Variants in HEMK2 observed in about 807,000 individuals in gnomAD.
HEMK2 encodes HemK methyltransferase 2, ETF1 glutamine and histone H4 lysine, also known as methyltransferase HEMK2.
chr21:28,878,667 T>G, the HEMK2 span, among the ~76,000 whole-genome samples: 136 of 152,020 alleles, frequency 8.9e-4, 1 homozygote, highest in Middle Eastern at 0.01. Context: ...AATAAGGAAG[T>G]ATATTTAAAG....
the HEMK2 span, among the ~76,000 whole-genome samples, chr21:28,613,884 A>C: frequency 6.6e-6 from 1 of 152,176 alleles, no homozygotes; most frequent in African/African-American, 2.4e-5. Flanking sequence ...TTACATTTCC[A>C]TTGTAAAGCA....
chr21:28,669,396 T>C, the HEMK2 span, among the ~76,000 whole-genome samples: 1 of 152,140 alleles, frequency 6.6e-6, no homozygotes, highest in African/African-American at 2.4e-5. Context: ...GGATTGGATG[T>C]TGGCTCCCAA....
chr21:28,738,050 A>C, the HEMK2 span, among the ~76,000 whole-genome samples: 1 of 151,950 alleles, frequency 6.6e-6, no homozygotes, highest in African/African-American at 2.4e-5. Context: ...TTCTTCCAAC[A>C]ACAGTTAGAT....
chr21:28,843,392 C>G, the HEMK2 span, among the ~76,000 whole-genome samples: 3 of 152,084 alleles, frequency 2.0e-5, no homozygotes, highest in Non-Finnish European at 4.4e-5. Flanking sequence ...CCCCATGATC[C>G]AATTACCTCC....
chr21:28,640,141 T>A, the HEMK2 span, among the ~76,000 whole-genome samples: 1 of 152,168 alleles, frequency 6.6e-6, no homozygotes, highest in Admixed American at 6.5e-5. Flanking sequence ...GATAGAAGAA[T>A]GCAAACCAGG....
the HEMK2 span, among the ~76,000 whole-genome samples, chr21:28,750,870 G>C: frequency 6.6e-6 from 1 of 152,110 alleles, no homozygotes; most frequent in South Asian, 2.1e-4. Context: ...CTAAAATGTT[G>C]TGATACAGAA....
the HEMK2 span, among the ~76,000 whole-genome samples, chr21:28,768,506 G>A: frequency 6.6e-6 from 1 of 151,968 alleles, no homozygotes; most frequent in African/African-American, 2.4e-5. Flanking sequence ...CAATTCAGAG[G>A]AAATCAGACC....
At chr21:28,777,946 T>G in the HEMK2 span, among the ~76,000 whole-genome samples, 1 of 152,208 alleles carries the variant, frequency 6.6e-6, no homozygotes, top group Non-Finnish European at 1.5e-5. Context: ...AACCTTTACT[T>G]TAAAAAATAA....
chr21:28,775,678 G>T, the HEMK2 span, among the ~76,000 whole-genome samples: 1 of 152,100 alleles, frequency 6.6e-6, no homozygotes, highest in East Asian at 1.9e-4. Context: ...CAACAAGAAA[G>T]ACAGTAAAAG....
At chr21:28,811,305 A>AAGGGG in the HEMK2 span, among the ~76,000 whole-genome samples, 2 of 134,576 alleles carry the variant, frequency 1.5e-5, no homozygotes, top group East Asian at 5.1e-4. Flanking sequence ...AAGGGAAGGG[A>AAGGGG]AGGGGAGGGG....
At chr21:28,783,834 G>A in the HEMK2 span, among the ~76,000 whole-genome samples, 201 of 152,310 alleles carry the variant, frequency 1.3e-3, no homozygotes, top group African/African-American at 4.2e-3. Flanking sequence ...TGGGCTTGGC[G>A]GGCCCTGCAC....
the HEMK2 span, among the ~76,000 whole-genome samples, chr21:28,810,756 G>A: frequency 3.3e-5 from 5 of 152,248 alleles, no homozygotes; most frequent in African/African-American, 1.2e-4. Context: ...TTCTTCCACA[G>A]TATTCTCACT....
chr21:28,793,165 C>A, the HEMK2 span, among the ~76,000 whole-genome samples: 1 of 152,318 alleles, frequency 6.6e-6, no homozygotes, highest in Non-Finnish European at 1.5e-5. Flanking sequence ...TAAAGGAAAG[C>A]AAACATGCCT....
the HEMK2 span, among the ~76,000 whole-genome samples, chr21:28,775,623 T>C: frequency 6.6e-6 from 1 of 152,072 alleles, no homozygotes; most frequent in Non-Finnish European, 1.5e-5. Flanking sequence ...AGTCAAAAAA[T>C]AATGCTTTTT....
chr21:28,882,975 A>G, the HEMK2 span: 1 of 1,545,944 alleles, frequency 6.5e-7, no homozygotes, highest in South Asian at 1.2e-5. Flanking sequence ...GATGAATATG[A>G]TATACTTACA....
the HEMK2 span, among the ~76,000 whole-genome samples, chr21:28,615,742 A>G: frequency 6.6e-6 from 1 of 152,164 alleles, no homozygotes; most frequent in Non-Finnish European, 1.5e-5. Context: ...ATGGAATGCC[A>G]TGTTTGTCTG....
chr21:28,588,779 C>G, the HEMK2 span, among the ~76,000 whole-genome samples: 206 of 152,000 alleles, frequency 1.4e-3, 15 homozygotes, highest in East Asian at 5.8e-4. Context: ...GTCAGGAGAT[C>G]GAGACCATCC....
the HEMK2 span, among the ~76,000 whole-genome samples, chr21:28,788,812 T>C: frequency 2.0e-5 from 3 of 152,108 alleles, no homozygotes; most frequent in Non-Finnish European, 4.4e-5. Flanking sequence ...CTTGCAGATG[T>C]AATCAGTTAA....
the HEMK2 span, among the ~76,000 whole-genome samples, chr21:28,763,018 TGGACTGTGAC>T: frequency 1.3e-5 from 2 of 152,130 alleles, no homozygotes; most frequent in East Asian, 3.9e-4. Context: ...AAAATGGCAC[TGGACTGTGAC>T]TCCTATTGCC....
Sources: gnomAD v4.1 joint callset for allele counts (sites outside exome capture counted in the v4.1 genomes callset) on GRCh38, gnomAD v4.1.1 for gene constraint, MANE v1.5 for transcripts, NCBI Gene and HGNC (gene_info 2026-07-23, HGNC 2026-07-21) for gene names.